Variants in COLEC12 observed in about 807,000 individuals in gnomAD.
The protein encoded by COLEC12 is collectin subfamily member 12, also known as collectin-12.
In COLEC12, 33 loss-of-function variants were observed where a neutral mutation model predicts 71.1. The observed-to-expected ratio is 0.46, with a 90% confidence interval of 0.35 to 0.62. COLEC12 has a LOEUF of 0.62. Among genes scored for constraint, COLEC12 ranks in the 20% least tolerant of loss-of-function variants. The pLI is 0.00. For synonymous variants in COLEC12, 350 were observed against 353.0 expected (o/e 0.99, Z 0.10); for missense variants, 765 against 916.1 (o/e 0.84, Z 2.13).
intron 2 of COLEC12, among the ~76,000 whole-genome samples, chr18:452,673 T>C (rs540927952): frequency 7.9e-5 from 12 of 152,330 alleles, no homozygotes; most frequent in African/African-American, 2.6e-4. Context: ...AACAAAACCA[T>C]AACTCTTTCC....
chr18:498,269 C>T (rs1917749260), intron 1 of COLEC12, among the ~76,000 whole-genome samples: 1 of 152,038 alleles, frequency 6.6e-6, no homozygotes, highest in Non-Finnish European at 1.5e-5. Flanking sequence ...TATTACTGCC[C>T]CTCCCGTCCC....
chr18:448,714 A>C (rs1186680651), intron 2 of COLEC12, among the ~76,000 whole-genome samples: 1 of 152,230 alleles, frequency 6.6e-6, no homozygotes, highest in African/African-American at 2.4e-5. Context: ...AGAGCAATTA[A>C]GTAAATGAAA....
intron 2 of COLEC12, among the ~76,000 whole-genome samples, chr18:476,247 G>A (rs1273355310): frequency 1.3e-5 from 2 of 152,212 alleles, no homozygotes; most frequent in African/African-American, 4.8e-5. Flanking sequence ...CTACTCCATA[G>A]AGAATGCTTC....
At chr18:452,575 G>A (rs142753521) in intron 2 of COLEC12, among the ~76,000 whole-genome samples, 1 of 152,256 alleles carries the variant, frequency 6.6e-6, no homozygotes, top group Non-Finnish European at 1.5e-5. Flanking sequence ...AAGAACCTTG[G>A]AAGAAATCCT....
chr18:480,625 T>A lies in COLEC12; in HGVS notation c.58+82A>T, dbSNP rs1052869956. On this transcript the variant is annotated intron_variant, in intron 2 of 9. Coordinates refer to ENST00000400256, the MANE Select transcript of COLEC12 (RefSeq NM_130386.3). This position sits in a 1 kb window ranked among gnomAD's most constrained non-coding sequence, Gnocchi z 4.1. ...CCCATGTGCATGAAGGGCCTGCCAG[T>A]GGCCTGCCAATGGTCTCTGAGGGTT... is the stretch of plus-strand genomic sequence containing the variant. The A allele has an allele frequency of 5.6e-6, 7 of 1,251,418 alleles. No individual in the cohort carries two copies. The African/African-American group carries it at 8.8e-5, about 16-fold the overall frequency. The allele number at this position is 1,251,418 out of a possible 1,614,324, so 77.5% of individuals were successfully genotyped here.
chr18:351,492 A>T (rs907922317), intron 3 of COLEC12, among the ~76,000 whole-genome samples: 2 of 152,184 alleles, frequency 1.3e-5, no homozygotes, highest in Non-Finnish European at 2.9e-5. Flanking sequence ...TTTACATTCA[A>T]TTCCATCTCT....
At position 317,727 on chromosome 18, in the gene COLEC12, C is replaced by T. The variant is rs1913578593; in HGVS notation, c.*2318G>A. ...ACCAGGAAGAGCATGAAAAAGAGGACTCAGTGTAGCCTCTAAAGGCTGTTG... is the reference window on the plus strand; with the variant it reads ...ACCAGGAAGAGCATGAAAAAGAGGATTCAGTGTAGCCTCTAAAGGCTGTTG... On this transcript the variant is annotated 3_prime_UTR_variant, in exon 10 of 10. Coordinates refer to ENST00000400256, the MANE Select transcript of COLEC12 (RefSeq NM_130386.3). The T allele has an allele frequency of 1.3e-5, 2 of 152,216 alleles. No homozygotes were observed. Among genetic ancestry groups the T allele is most frequent in the Non-Finnish European group, 1.5e-5 (1 of 68,040 alleles). The allele number at this position is 152,216 out of a possible 1,614,324, so 9.4% of individuals were successfully genotyped here. A position where few individuals can be genotyped will look rare whatever the true frequency, so the allele number is the denominator to read the frequency against.
chr18:496,607 T>C (rs62091362), intron 1 of COLEC12, among the ~76,000 whole-genome samples: 15,119 of 152,244 alleles, frequency 0.099, 1,008 homozygotes, highest in Non-Finnish European at 0.15. Flanking sequence ...GCAAAAAGAC[T>C]GTGAGTCCCA....
intron 2 of COLEC12, among the ~76,000 whole-genome samples, chr18:359,356 C>A (rs1484042365): frequency 6.6e-6 from 1 of 152,166 alleles, no homozygotes; most frequent in Non-Finnish European, 1.5e-5. Flanking sequence ...TGTATTATAA[C>A]CTATGGCAGA....
chr18:342,838 T>G (rs1200784663), intron 5 of COLEC12, among the ~76,000 whole-genome samples: 1 of 152,218 alleles, frequency 6.6e-6, no homozygotes, highest in Non-Finnish European at 1.5e-5. Flanking sequence ...ATAGTGTCTC[T>G]GAAACACCTT....
chr18:476,386 A>G (rs1917304129), intron 2 of COLEC12, among the ~76,000 whole-genome samples: 1 of 152,228 alleles, frequency 6.6e-6, no homozygotes, highest in African/African-American at 2.4e-5. Flanking sequence ...TCAAATACAA[A>G]CAACAAATGT....
intron 2 of COLEC12, among the ~76,000 whole-genome samples, chr18:466,418 C>T (rs1472661197): frequency 1.4e-4 from 22 of 152,188 alleles, no homozygotes; most frequent in Non-Finnish European, 8.8e-5. Context: ...CTTCCTTTCG[C>T]AGACTATCCG....
At chr18:417,397 T>C (rs979597686) in intron 2 of COLEC12, among the ~76,000 whole-genome samples, 6 of 152,244 alleles carry the variant, frequency 3.9e-5, no homozygotes, top group East Asian at 3.8e-4. Flanking sequence ...CAGTCTGTCA[T>C]TGACCAAAAC....
intron 2 of COLEC12, among the ~76,000 whole-genome samples, chr18:442,642 G>A (rs1234453054): frequency 6.6e-6 from 1 of 152,162 alleles, no homozygotes; most frequent in Non-Finnish European, 1.5e-5. Flanking sequence ...CAGCTCTTCT[G>A]CACAATCCTA....
intron 2 of COLEC12, among the ~76,000 whole-genome samples, chr18:361,957 T>C (rs1251152435): frequency 1.3e-5 from 2 of 152,162 alleles, no homozygotes; most frequent in Admixed American, 1.3e-4. Flanking sequence ...GCAGAGATTA[T>C]AGTAGATGAC....
chr18:416,928 A>C (rs897934093), intron 2 of COLEC12, among the ~76,000 whole-genome samples: 10 of 152,042 alleles, frequency 6.6e-5, no homozygotes, highest in African/African-American at 1.9e-4. Context: ...TTCCAGGCAG[A>C]GGGTCTAGCA....
chr18:413,080 G>C (rs1024035075), intron 2 of COLEC12, among the ~76,000 whole-genome samples: 2 of 152,072 alleles, frequency 1.3e-5, no homozygotes, highest in African/African-American at 4.8e-5. Flanking sequence ...ATAACATACA[G>C]GAAGGTTGAA....
Position 333,115 on chromosome 18 carries a change from T to G in COLEC12, c.1845A>C (p.Thr615=), listed in dbSNP as rs138736525. ...NGCPPHWKNF[T]DKCYYFSVEK... ...CAACTGAAAAATAGTAGCATTTGTC[T>G]GTGAAGTTCTTCCAGTGAGGCGGGC... Residue 615 remains threonine, a synonymous_variant, in exon 7 of 10, where the codon ACA becomes ACC. Transcript: ENST00000400256. The G allele has an allele frequency of 3.8e-4, 610 of 1,609,254 alleles. 7 individuals carry two copies. The East Asian group carries it at 0.013, about 35-fold the overall frequency.
intron 2 of COLEC12, among the ~76,000 whole-genome samples, chr18:479,039 T>C (rs986608545): frequency 1.3e-5 from 2 of 152,226 alleles, no homozygotes; most frequent in African/African-American, 4.8e-5. Flanking sequence ...TGGTTCTTCA[T>C]ATTTCTACTG....
Sources: allele counts gnomAD v4.1 joint callset (sites outside exome capture counted in the v4.1 genomes callset), GRCh38; gene constraint gnomAD v4.1.1; non-coding constraint Gnocchi (gnomAD v3.1); transcripts MANE v1.5; gene names NCBI Gene and HGNC (gene_info 2026-07-23, HGNC 2026-07-21).